The following PRDM14 variants were observed in gnomAD, a reference collection of about 807,000 sequenced individuals.
The protein encoded by PRDM14 is PR domain zinc finger protein 14.
Under a neutral mutation model 48.0 loss-of-function variants are expected in PRDM14, and 16 were observed. The observed-to-expected ratio is 0.33, with a 90% confidence interval of 0.23 to 0.51. The LOEUF (loss-of-function observed/expected upper bound fraction) is 0.51. Among genes scored for constraint, PRDM14 ranks in the 20% least tolerant of loss-of-function variants. The pLI, the probability that PRDM14 is intolerant of heterozygous loss-of-function variation, is 0.97. For synonymous variants in PRDM14, 264 were observed against 276.6 expected, an observed-to-expected ratio of 0.95 and a Z score of 0.45; for missense variants, 566 against 719.6, an observed-to-expected ratio of 0.79 and a Z score of 2.44.
At chr8:70,063,679 C>T (rs1008259904) in intron 5 of PRDM14, among the ~76,000 whole-genome samples, 1 of 151,888 alleles carries the variant, frequency 6.6e-6, no homozygotes, top group Non-Finnish European at 1.5e-5. Context: ...TGCACCACCA[C>T]ACCCAGCTAA....
At chr8:70,070,384 G>A (rs1805746471) in intron 1 of PRDM14, among the ~76,000 whole-genome samples, 1 of 152,178 alleles carries the variant, frequency 6.6e-6, no homozygotes, top group Non-Finnish European at 1.5e-5. Flanking sequence ...GACAGCTCCA[G>A]GCGCTCCTGG....
chr8:70,053,262 C>G (rs1805419263), intron 7 of PRDM14, among the ~76,000 whole-genome samples: 1 of 152,120 alleles, frequency 6.6e-6, no homozygotes, highest in Non-Finnish European at 1.5e-5. Flanking sequence ...GAAAGAGAAG[C>G]TAATATCGAC....
At position 70,066,398 on chromosome 8, in the gene PRDM14, A is replaced by C; in HGVS notation, c.1020T>G (p.Val340=). ...CARFPKEQNL[V]AVQCQGHIFY... Reference sequence around the variant, plus strand: ...ATATATGCCCTTGACACTGCACAGCAACTAGGTTCTGCTCCTTGGGGAAGC... The same window carrying C: ...ATATATGCCCTTGACACTGCACAGCCACTAGGTTCTGCTCCTTGGGGAAGC... Residue 340 remains valine (V), a synonymous_variant, in exon 5 of 8, where the codon GTT becomes GTG. Coordinates refer to ENST00000276594, the MANE Select transcript of PRDM14 (RefSeq NM_024504.4). 6.2e-7 allele frequency: 1 copy of C among 1,614,192 alleles called. No homozygotes were observed. The highest frequency in any genetic ancestry group is 8.5e-7 in the Non-Finnish European group (1 of 1,180,028).
chr8:70,057,201 G>A (rs1254527102), intron 6 of PRDM14, among the ~76,000 whole-genome samples: 7 of 151,922 alleles, frequency 4.6e-5, no homozygotes, highest in African/African-American at 1.2e-4. Flanking sequence ...TCCTGACCTC[G>A]TGATCCACCT....
At chr8:70,057,506 A>G (rs752503799) in intron 6 of PRDM14, among the ~76,000 whole-genome samples, 6 of 151,720 alleles carry the variant, frequency 4.0e-5, no homozygotes, top group Non-Finnish European at 8.8e-5. Context: ...ATGTTTTTAT[A>G]TTTTTAGTAG....
At chr8:70,057,568 G>A (rs1805497376) in intron 6 of PRDM14, among the ~76,000 whole-genome samples, 1 of 152,114 alleles carries the variant, frequency 6.6e-6, no homozygotes, top group South Asian at 2.1e-4. Context: ...CTGGCCTCAG[G>A]TGATCTGCCC....
At chr8:70,068,187 C>T (rs1256628206) in intron 4 of PRDM14, 43 bp downstream of exon 4, 2 of 1,610,810 alleles carry the variant, frequency 1.2e-6, no homozygotes. Flanking sequence ...GGACTAGTCT[C>T]CCGCCCCATT....
intron 6 of PRDM14, among the ~76,000 whole-genome samples, 160 bp downstream of exon 6, chr8:70,058,480 G>A (rs1436180789): frequency 1.3e-5 from 2 of 152,080 alleles, no homozygotes; most frequent in South Asian, 2.1e-4. Context: ...GCCTATTCAC[G>A]CCTGCCTGTT....
Position 70,055,639 on chromosome 8 carries a change from G to T in PRDM14, c.1387-238C>A, listed in dbSNP as rs988642923. On this transcript the variant is annotated intron_variant, in intron 6 of 7. Transcript: ENST00000276594. Reference sequence around the variant, plus strand: ...TCCCACCTCAGCCTCCTGAGTAACTGGGACTACAGGTGCGTGCCACTAAGC... The same window carrying T: ...TCCCACCTCAGCCTCCTGAGTAACTTGGACTACAGGTGCGTGCCACTAAGC... 9.9e-5 allele frequency among the ~76,000 whole-genome samples: 15 copies of T among 151,856 alleles called. 1 individual carries two copies. Among genetic ancestry groups the T allele is most frequent in the Admixed American group, 8.5e-4 (13 of 15,240 alleles).
intron 5 of PRDM14, among the ~76,000 whole-genome samples, chr8:70,061,298 C>A (rs1370326643): frequency 6.6e-6 from 1 of 152,120 alleles, no homozygotes; most frequent in Non-Finnish European, 1.5e-5. Flanking sequence ...TGTTTGACCC[C>A]AGGGAGGAAG....
chr8:70,070,174 A>G (rs1222305548), intron 1 of PRDM14, among the ~76,000 whole-genome samples: 2 of 152,048 alleles, frequency 1.3e-5, no homozygotes, highest in Non-Finnish European at 2.9e-5. Context: ...CCCTTCCCTA[A>G]GCCCGGCCGC....
intron 6 of PRDM14, among the ~76,000 whole-genome samples, chr8:70,056,036 C>T (rs537718335): frequency 4.6e-5 from 7 of 152,250 alleles, no homozygotes; most frequent in Non-Finnish European, 7.4e-5. Flanking sequence ...CAATTATCTA[C>T]GACTTACAGA....
At chr8:70,065,608 T>A (rs1370078576) in intron 5 of PRDM14, among the ~76,000 whole-genome samples, 1 of 151,902 alleles carries the variant, frequency 6.6e-6, no homozygotes, top group Non-Finnish European at 1.5e-5. Flanking sequence ...AGTTTGAGAG[T>A]GAGAGTCCAG....
chr8:70,069,508 C>G lies in PRDM14; in HGVS notation c.353G>C (p.Ser118Thr), dbSNP rs757399327. The change falls in exon 2 of 8, where the codon AGC becomes ACC. Residue 118 changes from serine to threonine, a missense_variant. By Grantham distance (58) the Ser-to-Thr change is moderately conservative. Transcript: ENST00000276594. ...ACTGCTGGCACCCGCGTACTCGTGG[C>G]TGCTGCTCAGGAAGGGCGGCACTTC... is the stretch of plus-strand genomic sequence containing the variant. ...PREVPPFLSS[S>T]HEYAGASSED... The G allele has an allele frequency of 1.7e-5, 27 of 1,596,416 alleles. No individual in the cohort carries two copies. The Admixed American group carries it at 4.3e-4, about 25-fold the overall frequency.
At chr8:70,054,552 C>T (rs1357936239) in intron 7 of PRDM14, among the ~76,000 whole-genome samples, 1 of 132,490 alleles carries the variant, frequency 7.5e-6, no homozygotes, top group Non-Finnish European at 1.6e-5. Flanking sequence ...CGGAGTTTCA[C>T]TTTGCCACTC....
At chr8:70,058,392 C>T (rs1482659391) in intron 6 of PRDM14, among the ~76,000 whole-genome samples, 4 of 152,208 alleles carry the variant, frequency 2.6e-5, no homozygotes, top group Admixed American at 2.6e-4. Flanking sequence ...ATCCACGTGT[C>T]CAGGTGGCCG....
Position 70,069,658 on chromosome 8 carries a change from G to A in PRDM14, c.203C>T (p.Pro68Leu), listed in dbSNP as rs1440556377. The change falls in exon 2 of 8, where the codon CCC becomes CTC. Residue 68 changes from proline to leucine, a missense_variant. By Grantham distance (98) the Pro-to-Leu change is moderately conservative. Coordinates refer to ENST00000276594, the MANE Select transcript of PRDM14 (RefSeq NM_024504.4). ...GGGAGGCGCCATCCGGAAGGGGAAG[G>A]GGGGCATGGCGGGGGCAGCAGACGC... ...AAASAAPAMP[P>L]FPFRMAPPLL... The A allele has an allele frequency of 5.1e-6, 8 of 1,568,976 alleles. No homozygotes were observed. The highest frequency in any genetic ancestry group is 6.9e-6 in the Non-Finnish European group (8 of 1,157,066).
intron 7 of PRDM14, among the ~76,000 whole-genome samples, chr8:70,053,595 GC>G (rs1226434094): frequency 6.6e-6 from 1 of 152,100 alleles, no homozygotes; most frequent in Non-Finnish European, 1.5e-5. Flanking sequence ...CTCCATGTCG[GC>G]CAGGCTGGTT....
chr8:70,055,483 GAGA>G, intron 6 of PRDM14, 82 bp from the exon 7 acceptor site: 7 of 749,772 alleles, frequency 9.3e-6, no homozygotes, highest in Non-Finnish European at 1.6e-5. Flanking sequence ...CCTGGGGTTA[GAGA>G]AGAACTCTTT....
Sources: allele counts gnomAD v4.1 joint callset (sites outside exome capture counted in the v4.1 genomes callset), GRCh38; gene constraint gnomAD v4.1.1; transcripts MANE v1.5; gene names NCBI Gene and HGNC (gene_info 2026-07-23, HGNC 2026-07-21).